The following TSHZ3 variants were observed in gnomAD, a reference collection of about 807,000 sequenced individuals.
TSHZ3 encodes teashirt homolog 3.
A neutral mutation model predicts 64.5 loss-of-function variants in TSHZ3; 10 were observed. That is an observed-to-expected ratio of 0.16 (90% CI 0.10 to 0.26). The LOEUF is 0.26. TSHZ3 is among the 10% of genes least tolerant of loss of function. TSHZ3 has a pLI of 1.00. For missense variants in TSHZ3, 1,242 were observed against 1,421.7 expected, an observed-to-expected ratio of 0.87 and a Z score of 2.03; for synonymous variants, 608 against 593.1, an observed-to-expected ratio of 1.03 and a Z score of -0.36.
intron 1 of TSHZ3, among the ~76,000 whole-genome samples, chr19:31,335,993 T>C (rs60309312): frequency 2.0e-3 from 307 of 152,294 alleles, no homozygotes; most frequent in African/African-American, 6.8e-3. Flanking sequence ...GAAAACGGTG[T>C]CCCAGCTCAA....
intron 4 of TSHZ3, chr19:31,207,782 T>C (rs1456444991): frequency 2.0e-5 from 3 of 152,214 alleles, no homozygotes; most frequent in Admixed American, 1.3e-4. Flanking sequence ...TGTTTTTATA[T>C]ACTTGGCACT....
At chr19:31,301,193 C>A (rs1438338143) in intron 1 of TSHZ3, among the ~76,000 whole-genome samples, 1 of 151,998 alleles carries the variant, frequency 6.6e-6, no homozygotes, top group African/African-American at 2.4e-5. Context: ...GATTTCAGTT[C>A]ATCCCTCTGC....
chr19:31,306,891 G>A (rs866551402), intron 1 of TSHZ3, among the ~76,000 whole-genome samples: 5 of 152,162 alleles, frequency 3.3e-5, no homozygotes, highest in East Asian at 1.9e-4. Flanking sequence ...AGCATACGCC[G>A]CAGAATTAAA....
intron 4 of TSHZ3, among the ~76,000 whole-genome samples, chr19:31,214,864 G>C (rs973642723): frequency 6.7e-6 from 1 of 149,096 alleles, no homozygotes; most frequent in Non-Finnish European, 1.5e-5. Flanking sequence ...GCGGAGATCC[G>C]GTCACTGCAC....
At chr19:31,319,098 C>T (rs1384978118) in intron 1 of TSHZ3, among the ~76,000 whole-genome samples, 3 of 152,132 alleles carry the variant, frequency 2.0e-5, no homozygotes, top group South Asian at 2.1e-4. Flanking sequence ...AAAAAGCAGG[C>T]GTCAAAACTG....
chr19:31,198,318 G>C (rs1296935105), intron 5 of TSHZ3, among the ~76,000 whole-genome samples: 1 of 151,982 alleles, frequency 6.6e-6, no homozygotes, highest in Non-Finnish European at 1.5e-5. Flanking sequence ...CACGAAAACT[G>C]ACAGCTAATG....
intron 3 of TSHZ3, among the ~76,000 whole-genome samples, chr19:31,237,260 G>C (rs1236463779): frequency 6.6e-6 from 1 of 152,158 alleles, no homozygotes; most frequent in Non-Finnish European, 1.5e-5. Context: ...GAATACACTA[G>C]TTTTAAAGTA....
At chr19:31,162,008 C>T (rs996288001) in intron 5 of TSHZ3, among the ~76,000 whole-genome samples, 1 of 152,216 alleles carries the variant, frequency 6.6e-6, no homozygotes, top group Non-Finnish European at 1.5e-5. Context: ...AGGTCACTTT[C>T]ACATATGTCT....
chr19:31,174,288 T>C (rs780533190), intron 5 of TSHZ3, among the ~76,000 whole-genome samples: 4 of 152,016 alleles, frequency 2.6e-5, no homozygotes, highest in Non-Finnish European at 4.4e-5. Context: ...TGAGCTCAAG[T>C]CCAAAGACAG....
intron 1 of TSHZ3, among the ~76,000 whole-genome samples, chr19:31,284,510 A>G (rs2145121634): frequency 6.6e-6 from 1 of 152,204 alleles, no homozygotes; most frequent in African/African-American, 2.4e-5. Flanking sequence ...GGAGTCCTCC[A>G]CCATTTGCCC....
intron 4 of TSHZ3, among the ~76,000 whole-genome samples, chr19:31,209,739 C>T (rs367910251): frequency 6.6e-6 from 1 of 152,258 alleles, no homozygotes; most frequent in East Asian, 1.9e-4. Flanking sequence ...ATGGGGCTAA[C>T]TCAATGGCAT....
chr19:31,231,100 A>G (rs1975534104), intron 3 of TSHZ3, among the ~76,000 whole-genome samples: 1 of 152,134 alleles, frequency 6.6e-6, no homozygotes, highest in African/African-American at 2.4e-5. Context: ...AGATGATAAT[A>G]TATTAATAGA....
chr19:31,242,720 G>A (rs1975709540), intron 2 of TSHZ3, among the ~76,000 whole-genome samples: 1 of 151,078 alleles, frequency 6.6e-6, no homozygotes, highest in African/African-American at 2.4e-5. Flanking sequence ...CTGGAACTCT[G>A]ATGTCCAAAA....
chr19:31,266,136 C>G (rs1019092238), intron 1 of TSHZ3, among the ~76,000 whole-genome samples: 4 of 152,084 alleles, frequency 2.6e-5, no homozygotes, highest in African/African-American at 4.8e-5. Context: ...CCTCAGGGAG[C>G]CCATGTCCCC....
chr19:31,162,492 C>T (rs560619878), intron 5 of TSHZ3, among the ~76,000 whole-genome samples: 11 of 152,184 alleles, frequency 7.2e-5, no homozygotes, highest in South Asian at 2.1e-4. Flanking sequence ...AAATGGATGA[C>T]GGCTTTTTTC....
At chr19:31,274,086 C>A (rs367596265), downstream of TSHZ3, among the ~76,000 whole-genome samples, 1 of 151,474 alleles carries the variant, frequency 6.6e-6, no homozygotes, top group Non-Finnish European at 1.5e-5. Flanking sequence ...AAACCGTAGG[C>A]GTGTTGCCGA....
At chr19:31,235,818 C>A (rs963989053) in intron 3 of TSHZ3, among the ~76,000 whole-genome samples, 1 of 147,528 alleles carries the variant, frequency 6.8e-6, no homozygotes, top group Non-Finnish European at 1.5e-5. Context: ...TTGAACAATT[C>A]TCATGCATGC....
chr19:31,317,590 G>A (rs1916638965), intron 1 of TSHZ3, among the ~76,000 whole-genome samples: 1 of 152,150 alleles, frequency 6.6e-6, no homozygotes, highest in African/African-American at 2.4e-5. Context: ...ACAAAGGAAG[G>A]AAACAGGCTG....
At chr19:31,231,505 A>G (rs1356063578) in intron 3 of TSHZ3, among the ~76,000 whole-genome samples, 1 of 152,180 alleles carries the variant, frequency 6.6e-6, no homozygotes, top group Non-Finnish European at 1.5e-5. Flanking sequence ...TGCATGATGT[A>G]TGAGGTGCCA....
Sources: gnomAD v4.1 joint callset for allele counts (sites outside exome capture counted in the v4.1 genomes callset) on GRCh38, gnomAD v4.1.1 for gene constraint, MANE v1.5 for transcripts, NCBI Gene and HGNC (gene_info 2026-07-23, HGNC 2026-07-21) for gene names.